Variants in SYMPK observed in about 807,000 individuals in gnomAD.
The protein encoded by SYMPK is symplekin.
Under a neutral mutation model 136.4 loss-of-function variants are expected in SYMPK, and 49 were observed. That is an observed-to-expected ratio of 0.36 (90% CI 0.29 to 0.46). The LOEUF is 0.46. Among genes scored for constraint, SYMPK ranks in the 20% least tolerant of loss-of-function variants. The probability of loss-of-function intolerance (pLI) is 1.00; values close to 1 mark genes in which losing one functional copy is unlikely to be tolerated. For missense variants in SYMPK, 1,365 were observed against 1,690.0 expected (o/e 0.81, Z 3.37); for synonymous variants, 766 against 713.0 (o/e 1.07, Z -1.19).
chr19:45,829,295 AG>A, intron 13 of SYMPK, 90 bp from the exon 14 acceptor site: 1 of 1,112,464 alleles, frequency 9.0e-7, no homozygotes, highest in Non-Finnish European at 1.3e-6. Context: ...ACCCAGACGC[AG>A]GAACTCTCAG....
chr19:45,859,883 A>G (rs1971919633), intron 1 of SYMPK, among the ~76,000 whole-genome samples: 2 of 147,770 alleles, frequency 1.4e-5, no homozygotes, highest in Non-Finnish European at 3.0e-5. Flanking sequence ...CTCTAGACAT[A>G]TGCACAATTA....
Position 45,823,710 on chromosome 19 carries a change from C to T in SYMPK, c.2599+57G>A, listed in dbSNP as rs77511825. The T allele has an allele frequency of 6.7e-6, 10 of 1,485,172 alleles. No homozygotes were observed. The East Asian group carries it at 1.4e-4, about 20-fold the overall frequency. 92.0% of individuals were successfully genotyped at this position (1,485,172 alleles called of 1,614,324 possible). A position where few individuals can be genotyped will look rare whatever the true frequency, so the allele number is the denominator to read the frequency against. The stretch of plus-strand genomic sequence containing the variant: ...CCCAGCAGCTCAGATCCCCAGGGCC[C>T]GGGGAAGGCTAAGGAGAGGGAGGAA... On this transcript the variant is annotated intron_variant, in intron 19 of 26. Coordinates refer to ENST00000245934, the MANE Select transcript of SYMPK (RefSeq NM_004819.3).
Position 45,815,936 on chromosome 19 carries a change from G to A in SYMPK, c.3602C>T (p.Pro1201Leu). 1.9e-6 allele frequency: 3 copies of A among 1,611,878 alleles called. No individual in the cohort carries two copies. The highest frequency in any genetic ancestry group is 1.7e-6 in the Non-Finnish European group (2 of 1,179,712). The change falls in exon 26 of 27, where the codon CCG becomes CTG. Residue 1201 changes from proline (P) to leucine (L), a missense_variant. By Grantham distance (98) the Pro-to-Leu change is moderately conservative. Transcript: ENST00000245934. ...FREEGPECET[P>L]GIFISMDDDS... ...GTCATCCATGCTGATGAAGATGCCC[G>A]GGGTCTCGCACTCAGGCCCCTCCTC...
chr19:45,830,387 T>C (rs1971140351), intron 12 of SYMPK, 183 bp from the exon 13 acceptor site: 2 of 682,252 alleles, frequency 2.9e-6, no homozygotes, highest in East Asian at 5.6e-5. Context: ...AGGAAGAGGA[T>C]GTTATTTTGG....
Position 45,816,191 on chromosome 19 carries a change from T to C in SYMPK, c.3355-8A>G, listed in dbSNP as rs1568604890. On this transcript the variant is annotated splice_polypyrimidine_tract_variant and splice_region_variant and intron_variant, in intron 25 of 26. Coordinates refer to ENST00000245934, the MANE Select transcript of SYMPK (RefSeq NM_004819.3). ...CAGGGGCTCCAGATCATCCTGGGGA[T>C]AGGGAGGGCCACACAGAAGCTCAGA... The C allele has an allele frequency of 6.6e-7, 1 of 1,509,928 alleles. No individual in the cohort carries two copies. Among genetic ancestry groups the C allele is most frequent in the South Asian group, 1.3e-5 (1 of 79,450 alleles). The allele number at this position is 1,509,928 out of a possible 1,614,324, so 93.5% of individuals were successfully genotyped here.
In SYMPK at chr19:45,835,321, C is replaced by A; in HGVS notation, c.1243-93G>T. On this transcript the variant is annotated intron_variant, in intron 10 of 26. Coordinates refer to ENST00000245934, the MANE Select transcript of SYMPK (RefSeq NM_004819.3). ...TGCCAATACTGGGGAAATGGCAGTG[C>A]CTAAGACCGACTTGGGCCTGCTCTC... 12 of 1,325,048 alleles carry A rather than the reference C, an allele frequency of 9.1e-6. No homozygotes were observed. The South Asian group carries it at 2.0e-4, about 22-fold the overall frequency. The allele number at this position is 1,325,048 out of a possible 1,614,324, so 82.1% of individuals were successfully genotyped here.
intron 7 of SYMPK, among the ~76,000 whole-genome samples, chr19:45,844,504 C>G (rs533796264): frequency 2.2e-4 from 34 of 152,252 alleles, no homozygotes; most frequent in African/African-American, 7.5e-4. Flanking sequence ...AAAACCCCGT[C>G]TCTACTAAAA....
At chr19:45,854,277 C>A (rs764334971) in intron 2 of SYMPK, 37 bp from the exon 3 acceptor site, 1 of 1,611,326 alleles carries the variant, frequency 6.2e-7, no homozygotes, top group African/African-American at 1.3e-5. Flanking sequence ...TAGTGCCAGC[C>A]CAGTCCAGCC....
intron 7 of SYMPK, among the ~76,000 whole-genome samples, chr19:45,846,667 A>G (rs1210281497): frequency 6.6e-6 from 1 of 152,142 alleles, no homozygotes; most frequent in African/African-American, 2.4e-5. Context: ...AAATACCTAC[A>G]TGTGCACAGG....
chr19:45,815,802 C>G, intron 26 of SYMPK, 49 bp downstream of exon 26: 1 of 1,597,266 alleles, frequency 6.3e-7, no homozygotes, highest in Non-Finnish European at 8.5e-7. Flanking sequence ...CACCTTCACC[C>G]CGGCCCAGAT....
At chr19:45,816,690 T>G in intron 24 of SYMPK, 108 bp downstream of exon 24, 1 of 1,516,170 alleles carries the variant, frequency 6.6e-7, no homozygotes. Context: ...GTGCAGGGCC[T>G]TCTTGTGTCC....
chr19:45,842,322 T>C lies in SYMPK; in HGVS notation c.1015A>G (p.Met339Val). 1 of 1,614,216 alleles carries C rather than the reference T, an allele frequency of 6.2e-7. No individual in the cohort carries two copies. Among genetic ancestry groups the C allele is most frequent in the South Asian group, 1.1e-5 (1 of 91,082 alleles). The change falls in exon 9 of 27, where the codon ATG becomes GTG. Residue 339 changes from methionine (M) to valine (V), a missense_variant. Met to Val is a conservative substitution (Grantham distance 21, BLOSUM62 1). Transcript: ENST00000245934. ...GTPQAEIARN[M>V]PSSKDTRKRP... Reference sequence around the variant, plus strand: ...TTGCGGGTGTCCTTGCTGCTCGGCATGTTGCGGGCGATCTCGGCCTGAGGT... The same window carrying C: ...TTGCGGGTGTCCTTGCTGCTCGGCACGTTGCGGGCGATCTCGGCCTGAGGT...
intron 10 of SYMPK, among the ~76,000 whole-genome samples, chr19:45,836,133 G>A (rs915591400): frequency 6.6e-6 from 1 of 151,240 alleles, no homozygotes; most frequent in African/African-American, 2.4e-5. Context: ...CCAGGCTGGA[G>A]TGCAGTGGCA....
rs771713451 is a variant in SYMPK, at chr19:45,829,030, T to A, written c.1925A>T (p.Tyr642Phe). 5.6e-6 allele frequency: 9 copies of A among 1,614,052 alleles called. No individual in the cohort carries two copies. Among genetic ancestry groups the A allele is most frequent in the Non-Finnish European group, 7.6e-6 (9 of 1,180,026 alleles). Residue 642 changes from tyrosine to phenylalanine, a missense_variant, in exon 14 of 27, where the codon TAT (tyrosine) becomes TTT (phenylalanine). By Grantham distance (22) the Tyr-to-Phe change is conservative. Around this residue, in one of 11 missense-constraint regions of SYMPK, gnomAD observed 303 missense variants for 326.6 expected, o/e 0.93. Coordinates refer to ENST00000245934, the MANE Select transcript of SYMPK (RefSeq NM_004819.3). ...CAACAGGCGGATGAGGCAGTCCTCA[T>A]ACTTGTCCAGGGAGCCCGAGGCACC... ...AAGASGSLDK[Y>F]EDCLIRLLSG... is the part of the protein sequence containing the mutation.
At chr19:45,816,415 G>A (rs1474963092) in intron 25 of SYMPK, 67 bp downstream of exon 25, 26 of 1,544,234 alleles carry the variant, frequency 1.7e-5, no homozygotes, top group African/African-American at 2.7e-5. Context: ...GCCATGGTGA[G>A]CCTTGCTGGC....
intron 3 of SYMPK, among the ~76,000 whole-genome samples, chr19:45,853,583 C>G (rs544076566): frequency 1.3e-5 from 2 of 150,760 alleles, no homozygotes; most frequent in Admixed American, 6.6e-5. Flanking sequence ...CATGGCACTC[C>G]AGCCTGGGCA....
intron 1 of SYMPK, among the ~76,000 whole-genome samples, chr19:45,859,700 G>A (rs1971915759): frequency 6.6e-6 from 1 of 151,942 alleles, no homozygotes; most frequent in Non-Finnish European, 1.5e-5. Context: ...AGGTCTAGGT[G>A]GGAGGATGGC....
chr19:45,849,181 T>C (rs1971638709), intron 5 of SYMPK, among the ~76,000 whole-genome samples: 1 of 152,174 alleles, frequency 6.6e-6, no homozygotes, highest in South Asian at 2.1e-4. Flanking sequence ...AATAATAGTA[T>C]CTATCCAATT....
chr19:45,846,399 A>G (rs1483265847), intron 7 of SYMPK, among the ~76,000 whole-genome samples: 2 of 152,242 alleles, frequency 1.3e-5, no homozygotes, highest in East Asian at 1.9e-4. Context: ...AACAATACAT[A>G]AGAATAGTTA....
Sources: gnomAD v4.1 joint callset for allele counts (sites outside exome capture counted in the v4.1 genomes callset) on GRCh38, gnomAD v4.1.1 for gene constraint, gnomAD v4.1.1 regional missense constraint, MANE v1.5 for transcripts, NCBI Gene and HGNC (gene_info 2026-07-23, HGNC 2026-07-21) for gene names.